Variants in SNX9 observed in about 807,000 individuals in gnomAD.
The protein encoded by SNX9 is sorting nexin 9.
Under a neutral mutation model 89.4 loss-of-function variants are expected in SNX9, and 44 were observed. The observed-to-expected ratio is 0.49, with a 90% CI of 0.39 to 0.63. The LOEUF (loss-of-function observed/expected upper bound fraction) is 0.63. SNX9 is among the 30% of genes least tolerant of loss of function. The pLI is 0.00. For synonymous variants in SNX9, 236 were observed against 247.8 expected (o/e 0.95, Z 0.45); for missense variants, 578 against 736.1 (o/e 0.79, Z 2.49).
chr6:157,928,952 G>A (rs528251582), intron 12 of SNX9, among the ~76,000 whole-genome samples: 2 of 152,158 alleles, frequency 1.3e-5, no homozygotes, highest in African/African-American at 4.8e-5. Flanking sequence ...AGTAATTTGG[G>A]GCTTTATAAT....
chr6:157,837,348 A>T (rs548939156), intron 1 of SNX9, among the ~76,000 whole-genome samples: 1 of 152,218 alleles, frequency 6.6e-6, no homozygotes, highest in East Asian at 1.9e-4. Context: ...TTTGTGTGTT[A>T]TTAAAACAGT....
At chr6:157,829,168 A>T (rs1781437867) in intron 1 of SNX9, 1 of 136,450 alleles carries the variant, frequency 7.3e-6, no homozygotes, top group Non-Finnish European at 1.5e-5. Context: ...TTTAAAACAT[A>T]ATCAATTTTA....
At chr6:157,898,767 A>T (rs1021609329) in intron 5 of SNX9, among the ~76,000 whole-genome samples, 2 of 152,196 alleles carry the variant, frequency 1.3e-5, no homozygotes, top group African/African-American at 4.8e-5. Context: ...TTGGGCCAAG[A>T]ATTGAATGTC....
At chr6:157,903,124 T>A (rs1454547452) in intron 6 of SNX9, among the ~76,000 whole-genome samples, 4 of 152,230 alleles carry the variant, frequency 2.6e-5, no homozygotes, top group Admixed American at 6.5e-5. Flanking sequence ...ATTTATGACT[T>A]CCATCAGAAT....
intron 1 of SNX9, among the ~76,000 whole-genome samples, chr6:157,848,089 G>T (rs750818838): frequency 6.6e-6 from 1 of 152,096 alleles, no homozygotes; most frequent in Non-Finnish European, 1.5e-5. Context: ...CCACCACCTG[G>T]AATTGCTTTG....
chr6:157,854,467 G>A (rs1027950886), intron 1 of SNX9, among the ~76,000 whole-genome samples: 1 of 152,202 alleles, frequency 6.6e-6, no homozygotes, highest in African/African-American at 2.4e-5. Flanking sequence ...CATAAGAAAT[G>A]TTAAGAGTAT....
intron 4 of SNX9, among the ~76,000 whole-genome samples, chr6:157,875,757 G>A (rs1331255293): frequency 6.6e-6 from 1 of 152,206 alleles, no homozygotes. Context: ...ATTAAAATTT[G>A]ACTAGTTTAG....
chr6:157,910,540 C>A (rs1351673323), intron 9 of SNX9, among the ~76,000 whole-genome samples: 1 of 151,918 alleles, frequency 6.6e-6, no homozygotes, highest in East Asian at 1.9e-4. Flanking sequence ...TGATTATTAC[C>A]CTCTCCCTTT....
rs970416920 is a variant in SNX9, at chr6:157,908,691, C to G, written c.706-974C>G. 2.0e-5 allele frequency among the ~76,000 whole-genome samples: 3 copies of G among 152,190 alleles called. No homozygotes were observed. In the East Asian group the frequency reaches 5.8e-4, roughly 29 times the overall value. ...GATGAAAAAACCAGGTTTGGGACAG[C>G]AGACCTATTGTCACCTAGCAGTGCC... On this transcript the variant is annotated intron_variant, in intron 7 of 17. Coordinates refer to ENST00000392185, the MANE Select transcript of SNX9 (RefSeq NM_016224.5).
intron 9 of SNX9, among the ~76,000 whole-genome samples, chr6:157,915,357 G>A (rs899867859): frequency 1.3e-5 from 2 of 151,822 alleles, no homozygotes; most frequent in Non-Finnish European, 2.9e-5. Flanking sequence ...AAACCGCATT[G>A]ATTCTGTAGA....
intron 1 of SNX9, 52 bp from the exon 2 acceptor site, chr6:157,867,495 T>C: frequency 6.8e-7 from 1 of 1,461,168 alleles, no homozygotes; most frequent in Non-Finnish European, 9.6e-7. Context: ...TTTGTGTTTT[T>C]ACTACTCTGT....
rs1277692683 is a variant in SNX9 at position 157,826,786 on chromosome 6, T to TTA, written c.12+3352_12+3353dup. Among the ~76,000 whole-genome samples, 25 of 94,770 alleles carry TTA rather than the reference T, an allele frequency of 2.6e-4. 3 individuals carry two copies. The highest frequency in any genetic ancestry group is 1.7e-3 in the East Asian group (8 of 4,682). 62.2% of individuals were successfully genotyped at this position (94,770 alleles called of 152,430 possible). A position where few individuals can be genotyped will look rare whatever the true frequency, so the allele number is the denominator to read the frequency against. ...ATATATGATATATAAATATATTATATTATATATATATATTATATTTTATAT... is the reference window on the plus strand; with the variant it reads ...ATATATGATATATAAATATATTATATTATATATATATATATTATATTTTATAT... On this transcript the variant is annotated intron_variant, in intron 1 of 17. Transcript: ENST00000392185.
intron 4 of SNX9, among the ~76,000 whole-genome samples, chr6:157,891,436 G>A (rs1199855273): frequency 6.6e-6 from 1 of 152,044 alleles, no homozygotes; most frequent in African/African-American, 2.4e-5. Context: ...TATACATAAG[G>A]CAAAGTCTTA....
At chr6:157,892,069 T>G (rs1782873904) in intron 4 of SNX9, among the ~76,000 whole-genome samples, 2 of 148,806 alleles carry the variant, frequency 1.3e-5, no homozygotes, top group African/African-American at 5.0e-5. Context: ...AAATAAGGAG[T>G]GGGAAGAGAA....
rs147860700 is a variant in SNX9, at chr6:157,885,601, C to T, written c.300+10425C>T. Among the ~76,000 whole-genome samples the T allele has an allele frequency of 6.6e-5, 10 of 152,268 alleles. No individual in the cohort carries two copies. The East Asian group carries it at 9.6e-4, about 15-fold the overall frequency. ...ATTCCTACTTCCTAACACAGTTGCA[C>T]GTGGTATAGTCGTAAGATGGGCCGT... On this transcript the variant is annotated intron_variant, in intron 4 of 17. Coordinates refer to ENST00000392185, the MANE Select transcript of SNX9 (RefSeq NM_016224.5).
chr6:157,920,214 C>T (rs1312034740), intron 9 of SNX9, among the ~76,000 whole-genome samples: 2 of 152,190 alleles, frequency 1.3e-5, no homozygotes, highest in Non-Finnish European at 2.9e-5. Context: ...TATGTACAGC[C>T]TCAGAGTTGA....
At chr6:157,840,384 ATGAC>A (rs58771051) in intron 1 of SNX9, among the ~76,000 whole-genome samples, 4,253 of 147,572 alleles carry the variant, frequency 0.029, 293 homozygotes, top group African/African-American at 0.11. Context: ...CACACCCAAA[ATGAC>A]TGACTTTTAC....
chr6:157,850,891 G>A (rs138234152), intron 1 of SNX9, among the ~76,000 whole-genome samples: 8 of 152,330 alleles, frequency 5.3e-5, no homozygotes, highest in Admixed American at 5.2e-4. Flanking sequence ...GAAGGAAGGA[G>A]CATGCAGTTA....
chr6:157,891,652 C>T (rs1388232137), intron 4 of SNX9, among the ~76,000 whole-genome samples: 1 of 152,234 alleles, frequency 6.6e-6, no homozygotes, highest in Non-Finnish European at 1.5e-5. Context: ...TAAGACAGAG[C>T]TGTCCCCGTG....
Sources: allele counts gnomAD v4.1 joint callset (sites outside exome capture counted in the v4.1 genomes callset), GRCh38; gene constraint gnomAD v4.1.1; transcripts MANE v1.5; gene names NCBI Gene and HGNC (gene_info 2026-07-23, HGNC 2026-07-21).